Variants in KIF21A observed in about 807,000 individuals in gnomAD.
KIF21A encodes the protein kinesin-like protein KIF21A.
In KIF21A, 114 loss-of-function variants were observed where a neutral mutation model predicts 202.9. The ratio of observed to expected loss-of-function variants is 0.56; its 90% CI spans 0.48 to 0.66. The LOEUF is 0.66. Ranked by LOEUF, KIF21A falls within the 30% of genes least tolerant of loss-of-function variation. The pLI, the probability that KIF21A is intolerant of heterozygous loss-of-function variation, is 0.00. For synonymous variants in KIF21A, 667 were observed against 670.8 expected, an observed-to-expected ratio of 0.99 and a Z score of 0.09; for missense variants, 1,677 against 1,994.9, an observed-to-expected ratio of 0.84 and a Z score of 3.04.
intron 1 of KIF21A, among the ~76,000 whole-genome samples, chr12:39,427,546 G>C (rs1406214156): frequency 1.3e-5 from 2 of 152,152 alleles, no homozygotes; most frequent in Non-Finnish European, 2.9e-5. Context: ...CATCATCAAA[G>C]TTCATTTTAA....
In KIF21A at chr12:39,356,624, T is replaced by A. The variant is rs991092364; in HGVS notation, c.1469+208A>T. 5.0e-5 allele frequency: 22 copies of A among 440,856 alleles called. 1 individual carries two copies. Among genetic ancestry groups the A allele is most frequent in the Non-Finnish European group, 8.1e-5 (20 of 247,162 alleles). 27.3% of individuals were successfully genotyped at this position (440,856 alleles called of 1,614,324 possible). A position where few individuals can be genotyped will look rare whatever the true frequency, so the allele number is the denominator to read the frequency against. On this transcript the variant is annotated intron_variant, in intron 10 of 37. Transcript: ENST00000361418. Reference sequence around the variant, plus strand: ...GGACATAGCAGTAAGAGTAGGAGAATAATATGGGAAGAGAAAGGAGGAAAA... The same window carrying A: ...GGACATAGCAGTAAGAGTAGGAGAAAAATATGGGAAGAGAAAGGAGGAAAA...
chr12:39,367,438 T>C (rs1348580894), intron 4 of KIF21A, among the ~76,000 whole-genome samples: 1 of 152,208 alleles, frequency 6.6e-6, no homozygotes, highest in Non-Finnish European at 1.5e-5. Context: ...TAGAACACTT[T>C]GGTACAAACT....
intron 35 of KIF21A, among the ~76,000 whole-genome samples, chr12:39,303,463 C>G (rs1207101953): frequency 2.6e-5 from 4 of 151,998 alleles, no homozygotes; most frequent in Admixed American, 2.6e-4. Flanking sequence ...GGCACCAGCT[C>G]TTAATTATTG....
intron 1 of KIF21A, among the ~76,000 whole-genome samples, chr12:39,419,310 G>A (rs1954045307): frequency 6.6e-6 from 1 of 152,140 alleles, no homozygotes; most frequent in Non-Finnish European, 1.5e-5. Flanking sequence ...TAAAGATGAT[G>A]CCAAGAGAAA....
intron 34 of KIF21A, among the ~76,000 whole-genome samples, chr12:39,305,568 C>G (rs886517788): frequency 6.6e-6 from 1 of 151,922 alleles, no homozygotes; most frequent in African/African-American, 2.4e-5. Context: ...TCCACATCTA[C>G]GAAACTCTAT....
intron 10 of KIF21A, among the ~76,000 whole-genome samples, chr12:39,354,522 A>C (rs762197358): frequency 7.2e-5 from 11 of 152,162 alleles, no homozygotes; most frequent in African/African-American, 2.7e-4. Context: ...AAACACAAGG[A>C]TTAATTAATT....
At chr12:39,364,236 T>C (rs1018381200) in intron 6 of KIF21A, among the ~76,000 whole-genome samples, 3 of 152,174 alleles carry the variant, frequency 2.0e-5, no homozygotes, top group African/African-American at 2.4e-5. Flanking sequence ...AAATAGATCA[T>C]GCAGGGAGTG....
chr12:39,363,911 G>A (rs368774332), intron 6 of KIF21A, among the ~76,000 whole-genome samples: 1 of 152,194 alleles, frequency 6.6e-6, no homozygotes, highest in African/African-American at 2.4e-5. Flanking sequence ...CCAGCTACTT[G>A]GGAGGTTGAG....
intron 1 of KIF21A, 30 bp from the exon 2 acceptor site, chr12:39,370,291 T>A: frequency 6.5e-7 from 1 of 1,529,352 alleles, no homozygotes; most frequent in Non-Finnish European, 9.0e-7. Context: ...AAGAAAAAAA[T>A]AAAATAAATG....
intron 6 of KIF21A, among the ~76,000 whole-genome samples, chr12:39,363,826 C>T (rs566385574): frequency 3.9e-5 from 6 of 152,158 alleles, no homozygotes; most frequent in Admixed American, 6.5e-5. Flanking sequence ...GAGACCAACC[C>T]GACCAACATG....
chr12:39,441,679 A>AAAAAAAT (rs1592774994), intron 1 of KIF21A, among the ~76,000 whole-genome samples: 1 of 147,910 alleles, frequency 6.8e-6, no homozygotes, highest in Non-Finnish European at 1.5e-5. Context: ...AAAAAAAAAA[A>AAAAAAAT]ACACTTAAAA....
intron 28 of KIF21A, 117 bp downstream of exon 28, chr12:39,319,789 A>C (rs1004313427): frequency 2.7e-6 from 2 of 730,216 alleles, no homozygotes; most frequent in Admixed American, 2.2e-5. Context: ...GATTAGTCAA[A>C]TAGTCATAAC....
At chr12:39,429,154 A>C (rs1360226103) in intron 1 of KIF21A, among the ~76,000 whole-genome samples, 3 of 152,202 alleles carry the variant, frequency 2.0e-5, no homozygotes, top group Non-Finnish European at 4.4e-5. Context: ...TTAATATGCC[A>C]AAGAGCTCAC....
chr12:39,326,166 G>C (rs1945888259), intron 25 of KIF21A, 98 bp downstream of exon 25: 6 of 970,814 alleles, frequency 6.2e-6, no homozygotes, highest in Non-Finnish European at 9.8e-6. Context: ...CCATTAGATT[G>C]AAAATTATTT....
chr12:39,334,602 A>C lies in KIF21A; in HGVS notation c.2419-1322T>G, dbSNP rs115578405. On this transcript the variant is annotated intron_variant, in intron 17 of 37. Transcript: ENST00000361418. ...TATCATATAGTTTCAAACTTGTTAC[A>C]TTAAATTTCTTCCTATTAAAAACCA... 7.8e-3 allele frequency among the ~76,000 whole-genome samples: 1,190 copies of C among 152,350 alleles called. 19 individuals carry two copies. Among genetic ancestry groups the C allele is most frequent in the African/African-American group, 0.026 (1,097 of 41,588 alleles).
intron 1 of KIF21A, among the ~76,000 whole-genome samples, chr12:39,441,438 A>G (rs528086586): frequency 6.6e-6 from 1 of 152,044 alleles, no homozygotes; most frequent in South Asian, 2.1e-4. Context: ...ATTGCCTCTT[A>G]TTGGGTTTTC....
intron 26 of KIF21A, among the ~76,000 whole-genome samples, chr12:39,324,347 A>T (rs911019509): frequency 6.6e-6 from 1 of 152,266 alleles, no homozygotes. Flanking sequence ...TCTCTCTCTA[A>T]TGTCCCACAG....
intron 1 of KIF21A, among the ~76,000 whole-genome samples, chr12:39,419,536 G>A (rs762366744): frequency 4.1e-4 from 63 of 152,074 alleles, no homozygotes; most frequent in Non-Finnish European, 8.2e-4. Context: ...TCGCATTTAC[G>A]TCAAGATAGG....
At chr12:39,335,679 A>G (rs1288006043) in intron 17 of KIF21A, among the ~76,000 whole-genome samples, 2 of 152,214 alleles carry the variant, frequency 1.3e-5, no homozygotes, top group East Asian at 1.9e-4. Context: ...TAAGTTAATT[A>G]TATCTCAACT....
Sources: gnomAD v4.1 joint callset for allele counts (sites outside exome capture counted in the v4.1 genomes callset) on GRCh38, gnomAD v4.1.1 for gene constraint, MANE v1.5 for transcripts, NCBI Gene and HGNC (gene_info 2026-07-23, HGNC 2026-07-21) for gene names.